RBFOX1: variants seen among roughly 807,000 people sequenced by gnomAD.
RBFOX1 encodes the protein RNA binding protein fox-1 homolog 1.
A neutral mutation model predicts 57.7 loss-of-function variants in RBFOX1; 8 were observed. The ratio of observed to expected loss-of-function variants is 0.14; its 90% CI spans 0.08 to 0.25. The LOEUF is 0.25. RBFOX1 is among the 10% of genes least tolerant of loss of function. The probability of loss-of-function intolerance (pLI) is 1.00; values close to 1 mark genes in which losing one functional copy is unlikely to be tolerated. For missense variants in RBFOX1, 611 were observed against 548.5 expected (o/e 1.11, Z -1.14); for synonymous variants, 326 against 222.4 (o/e 1.47, Z -4.15).
intron 3 of RBFOX1, among the ~76,000 whole-genome samples, chr16:5,759,817 C>T (rs2053531836): frequency 6.6e-6 from 1 of 151,972 alleles, no homozygotes. Flanking sequence ...GCATGGCAAG[C>T]ACTTCTCCCT....
chr16:6,639,550 TACAC>T (rs2098470345), intron 2 of RBFOX1, among the ~76,000 whole-genome samples: 1 of 152,174 alleles, frequency 6.6e-6, no homozygotes, highest in African/African-American at 2.4e-5. Flanking sequence ...ATTATACAAA[TACAC>T]AATAATAATA....
At chr16:6,757,444 A>G (rs1477683656) in intron 3 of RBFOX1, among the ~76,000 whole-genome samples, 1 of 152,224 alleles carries the variant, frequency 6.6e-6, no homozygotes, top group Non-Finnish European at 1.5e-5. Context: ...TATATGCACA[A>G]CAGAATACTA....
At chr16:5,758,650 ATGAGCACAGTTC>A (rs2053482162) in intron 3 of RBFOX1, among the ~76,000 whole-genome samples, 2 of 152,214 alleles carry the variant, frequency 1.3e-5, no homozygotes, top group South Asian at 4.1e-4. Context: ...GAAAGCTTCT[ATGAGCACAGTTC>A]TGGTGATCAC....
intron 10 of RBFOX1, among the ~76,000 whole-genome samples, chr16:7,612,549 C>T (rs1447252931): frequency 2.0e-5 from 3 of 151,512 alleles, no homozygotes; most frequent in Non-Finnish European, 2.9e-5. Context: ...AGGAATAGGC[C>T]TCAGAGGGGA....
chr16:6,001,199 A>G lies in RBFOX1; in HGVS notation c.351+133864A>G, dbSNP rs1567240943. ...AACTGGAGAATCATCTTTGCACAGC[A>G]TGCTTTGCCACATATTAGCCTGGAG... On this transcript the variant is annotated intron_variant, in intron 4 of 19. Coordinates refer to the RBFOX1 transcript ENST00000641259. Among the ~76,000 whole-genome samples the G allele has an allele frequency of 2.6e-5, 4 of 152,348 alleles. No homozygotes were observed. The South Asian group carries it at 8.3e-4, about 32-fold the overall frequency.
intron 4 of RBFOX1, among the ~76,000 whole-genome samples, chr16:7,173,978 C>G (rs1467231373): frequency 1.3e-5 from 2 of 152,140 alleles, no homozygotes; most frequent in Non-Finnish European, 2.9e-5. Flanking sequence ...TTTGGTCTTC[C>G]AAGAAAGAGT....
Position 6,758,927 on chromosome 16 carries a change from G to C in RBFOX1, c.-16+104277G>C, listed in dbSNP as rs549161098. 2.0e-5 allele frequency among the ~76,000 whole-genome samples: 3 copies of C among 152,194 alleles called. No homozygotes were observed. The South Asian group carries it at 6.2e-4, about 32-fold the overall frequency. On this transcript the variant is annotated intron_variant, in intron 3 of 15. Transcript: ENST00000550418. ...TGTGTTCAGGGAGTCGGGGGGGAAA[G>C]AGTTTAGAAAGAGGAAAAGCCTTTG... is the stretch of plus-strand genomic sequence containing the variant.
chr16:5,922,732 C>G (rs1036666334), intron 4 of RBFOX1, among the ~76,000 whole-genome samples: 2 of 152,200 alleles, frequency 1.3e-5, no homozygotes, highest in Non-Finnish European at 2.9e-5. Context: ...TCCAACCCCT[C>G]AATGTATTCA....
chr16:5,333,604 A>C (rs2064818106), intron 1 of RBFOX1, among the ~76,000 whole-genome samples: 1 of 152,214 alleles, frequency 6.6e-6, no homozygotes, highest in Non-Finnish European at 1.5e-5. Context: ...CAAGTGCTTC[A>C]GTGTACTGTC....
chr16:7,432,974 C>T (rs1445636136), intron 4 of RBFOX1, among the ~76,000 whole-genome samples: 3 of 152,228 alleles, frequency 2.0e-5, no homozygotes, highest in Non-Finnish European at 4.4e-5. Context: ...TTCTCTGCAG[C>T]TTCTGTGGAG....
At chr16:5,318,562 AC>A (rs1370463224) in intron 1 of RBFOX1, among the ~76,000 whole-genome samples, 11 of 150,484 alleles carry the variant, frequency 7.3e-5, no homozygotes, top group Admixed American at 3.4e-4. Context: ...AATAAGAGCA[AC>A]CTATTTGCAT....
intron 3 of RBFOX1, among the ~76,000 whole-genome samples, chr16:7,007,914 A>G (rs2153648020): frequency 6.6e-6 from 1 of 152,310 alleles, no homozygotes; most frequent in East Asian, 1.9e-4. Context: ...CAAGCTTGCT[A>G]GCTGGGGCCT....
intron 2 of RBFOX1, among the ~76,000 whole-genome samples, chr16:6,589,414 G>T (rs754130578): frequency 1.3e-5 from 2 of 152,196 alleles, no homozygotes; most frequent in Admixed American, 6.5e-5. Flanking sequence ...TGGGTAGGGG[G>T]TCAGAAAGTG....
At chr16:7,333,983 C>A (rs1460169918) in intron 4 of RBFOX1, among the ~76,000 whole-genome samples, 1 of 152,120 alleles carries the variant, frequency 6.6e-6, no homozygotes, top group Non-Finnish European at 1.5e-5. Flanking sequence ...AAAAGGAAAA[C>A]AAAATATATT....
intron 3 of RBFOX1, among the ~76,000 whole-genome samples, chr16:6,893,480 G>A (rs1211423886): frequency 1.3e-5 from 2 of 152,170 alleles, no homozygotes; most frequent in African/African-American, 4.8e-5. Context: ...GTGCGATAGA[G>A]AGGTCCCTTG....
chr16:6,813,489 G>C (rs965225117), intron 3 of RBFOX1, among the ~76,000 whole-genome samples: 1 of 152,144 alleles, frequency 6.6e-6, no homozygotes, highest in South Asian at 2.1e-4. Context: ...AGGGCCAATG[G>C]CTCTTTCCCC....
chr16:7,188,778 A>G (rs987678393), intron 4 of RBFOX1, among the ~76,000 whole-genome samples: 13 of 152,170 alleles, frequency 8.5e-5, no homozygotes, highest in African/African-American at 3.1e-4. Flanking sequence ...AGACCGCAAG[A>G]GCTGGTATAG....
intron 1 of RBFOX1, among the ~76,000 whole-genome samples, chr16:5,339,973 A>G (rs963503629): frequency 2.4e-4 from 37 of 152,122 alleles, no homozygotes; most frequent in African/African-American, 8.7e-4. Context: ...TTGACATTCC[A>G]AGATGTTGAG....
At chr16:5,501,090 C>T (rs145414827) in intron 2 of RBFOX1, among the ~76,000 whole-genome samples, 3,236 of 151,996 alleles carry the variant, frequency 0.021, 110 homozygotes, top group African/African-American at 0.074. Flanking sequence ...CCGAGGTGGG[C>T]GGGTCACCTG....
Sources: allele counts gnomAD v4.1 joint callset (sites outside exome capture counted in the v4.1 genomes callset), GRCh38; gene constraint gnomAD v4.1.1; transcripts MANE v1.5; gene names NCBI Gene and HGNC (gene_info 2026-07-23, HGNC 2026-07-21).